Variants in IPO9 observed in about 807,000 individuals in gnomAD.
IPO9 encodes the protein importin-9.
In IPO9, 28 loss-of-function variants were observed where a neutral mutation model predicts 128.6. The observed-to-expected ratio is 0.22, with a 90% CI of 0.16 to 0.30. The LOEUF (loss-of-function observed/expected upper bound fraction) is 0.30. Ranked by LOEUF, IPO9 falls within the 10% of genes least tolerant of loss-of-function variation. The pLI, the probability that IPO9 is intolerant of heterozygous loss-of-function variation, is 1.00. For missense variants in IPO9, 935 were observed against 1,293.9 expected (o/e 0.72, Z 4.26); for synonymous variants, 455 against 475.8 (o/e 0.96, Z 0.57).
intron 1 of IPO9, among the ~76,000 whole-genome samples, chr1:201,837,016 G>C (rs1256430276): frequency 2.6e-5 from 4 of 152,210 alleles, no homozygotes; most frequent in Non-Finnish European, 5.9e-5. Flanking sequence ...TTTCATGCGT[G>C]AAAGAAATTA....
At position 201,855,869 on chromosome 1, in the gene IPO9, G is replaced by A. The variant is rs1404009932; in HGVS notation, c.1057G>A (p.Val353Ile). ...LLENSKFKST[V>I]KKALPELIYY... is the part of the protein sequence containing the mutation. ...AGAAAATAGCAAATTCAAAAGCACT[G>A]TTAAGAAAGCCTTGCCTGAATTGAT... Residue 353 changes from valine (V) to isoleucine (I), a missense_variant, in exon 10 of 24, where the codon GTT becomes ATT. Around this residue, in one of 3 missense-constraint regions of IPO9, gnomAD observed 741 missense variants for 1,019.1 expected, o/e 0.73. Transcript: ENST00000361565. 1 of 1,612,062 alleles carries A rather than the reference G, an allele frequency of 6.2e-7. No individual in the cohort carries two copies. The highest frequency in any genetic ancestry group is 1.3e-5 in the African/African-American group (1 of 74,940).
intron 4 of IPO9, chr1:201,850,496 G>A (rs746421750): frequency 6.6e-6 from 1 of 152,196 alleles, no homozygotes; most frequent in Non-Finnish European, 1.5e-5. Flanking sequence ...AAATATAGCA[G>A]CTAAGGATTA....
In IPO9 at chr1:201,875,152, A is replaced by T; in HGVS notation, c.2939A>T (p.Glu980Val). 1 of 1,614,014 alleles carries T rather than the reference A, an allele frequency of 6.2e-7. No individual in the cohort carries two copies. The highest frequency in any genetic ancestry group is 1.1e-5 in the South Asian group (1 of 91,082). Residue 980 changes from glutamate to valine, a missense_variant and splice_region_variant, in exon 23 of 24, where the codon GAG (glutamate) becomes GTG (valine). Physicochemically the swap from Glu to Val is moderately radical, Grantham distance 121. Transcript: ENST00000361565. ...LSDILATSKY[E>V]EDYYEDDEED... ...GCCCTGTGTTGGCTATGTCTAACAGAGGAGGATTACTACGAGGATGATGAG... is the reference window on the plus strand; with the variant it reads ...GCCCTGTGTTGGCTATGTCTAACAGTGGAGGATTACTACGAGGATGATGAG...
In IPO9 at chr1:201,853,091, G is replaced by A. The variant is rs1371686292; in HGVS notation, c.684G>A (p.Leu228=). 6.2e-7 allele frequency: 1 copy of A among 1,613,950 alleles called. No homozygotes were observed. The highest frequency in any genetic ancestry group is 1.3e-5 in the African/African-American group (1 of 75,006). ...CAHMICNMEE[L]EKGAAKVLIF... ...ATATGATCTGTAACATGGAGGAGCT[G>A]GAAAAGGTAAGCAGGTCTTTGGATC... The change falls in exon 6 of 24, where the codon CTG becomes CTA. Residue 228 remains leucine, a synonymous_variant. Coordinates refer to ENST00000361565, the MANE Select transcript of IPO9 (RefSeq NM_018085.5).
intron 1 of IPO9, 148 bp from the exon 2 acceptor site, chr1:201,847,131 G>A (rs1680136804): frequency 1.6e-6 from 1 of 631,644 alleles, no homozygotes; most frequent in Non-Finnish European, 2.8e-6. Flanking sequence ...TCTTTTACTT[G>A]GAGGAATCAG....
chr1:201,859,076 T>C (rs2102881147), intron 13 of IPO9, 82 bp downstream of exon 13: 3 of 1,391,800 alleles, frequency 2.2e-6, no homozygotes, highest in Middle Eastern at 1.8e-4. Flanking sequence ...TTAGGAGATA[T>C]ACCTGATGTA....
At chr1:201,863,095 A>G (rs535307762) in intron 13 of IPO9, among the ~76,000 whole-genome samples, 4 of 152,288 alleles carry the variant, frequency 2.6e-5, no homozygotes, top group South Asian at 4.1e-4. Context: ...TCATGCCTGT[A>G]ATCCCAGCAC....
intron 13 of IPO9, among the ~76,000 whole-genome samples, chr1:201,860,421 A>G (rs1680422491): frequency 6.6e-6 from 1 of 152,196 alleles, no homozygotes; most frequent in Non-Finnish European, 1.5e-5. Flanking sequence ...TACTCCTACT[A>G]GTAAGGTCTC....
chr1:201,847,155 C>T lies in IPO9; in HGVS notation c.164-124C>T, dbSNP rs149852315. ...TGGAGGAATCAGTCTTAGCAGTTAT[C>T]AGCTCTTTTTGAAACAACAGATTAA... On this transcript the variant is annotated intron_variant, in intron 1 of 23. Transcript: ENST00000361565. The T allele has an allele frequency of 2.5e-4, 178 of 716,840 alleles. 1 individual carries two copies. In the African/African-American group the frequency reaches 2.9e-3, roughly 12 times the overall value. The allele number at this position is 716,840 out of a possible 1,614,324, so 44.4% of individuals were successfully genotyped here. A position where few individuals can be genotyped will look rare whatever the true frequency, so the allele number is the denominator to read the frequency against.
chr1:201,859,685 C>G (rs192234633), intron 13 of IPO9, among the ~76,000 whole-genome samples: 2 of 152,126 alleles, frequency 1.3e-5, no homozygotes, highest in Non-Finnish European at 2.9e-5. Context: ...GTAGGCCAGG[C>G]GCGATGGCTC....
chr1:201,841,690 G>A (rs755730339), intron 1 of IPO9, among the ~76,000 whole-genome samples: 1 of 152,144 alleles, frequency 6.6e-6, no homozygotes, highest in South Asian at 2.1e-4. Flanking sequence ...AGAATATCTT[G>A]TGTATTCAAA....
rs994570503 is a variant in IPO9 at position 201,876,922 on chromosome 1, A to C, written c.*868A>C. 7 of 152,646 alleles carry C rather than the reference A, an allele frequency of 4.6e-5. No homozygotes were observed. The highest frequency in any genetic ancestry group is 7.2e-5 in the African/African-American group (3 of 41,458). The allele number at this position is 152,646 out of a possible 1,614,324, so 9.5% of individuals were successfully genotyped here. A position where few individuals can be genotyped will look rare whatever the true frequency, so the allele number is the denominator to read the frequency against. ...AAGTTGTAGCCCTCAAATTTGCAAC[A>C]TGTATTTTTCTAGGACAGTAAAGTA... is the stretch of plus-strand genomic sequence containing the variant. On this transcript the variant is annotated 3_prime_UTR_variant, in exon 24 of 24. Coordinates refer to ENST00000361565, the MANE Select transcript of IPO9 (RefSeq NM_018085.5).
Position 201,870,942 on chromosome 1 carries a change from T to G in IPO9, c.2409+84T>G. On this transcript the variant is annotated intron_variant, in intron 18 of 23. Coordinates refer to ENST00000361565, the MANE Select transcript of IPO9 (RefSeq NM_018085.5). The surrounding 1 kb of genome is among the most constrained non-coding windows in gnomAD (Gnocchi z 4.9). ...TATTTTGGTCCTGAGTTATTTTATT[T>G]TACCCTCTTACTAGCCTTGTAGGAC... is the stretch of plus-strand genomic sequence containing the variant. 1.6e-6 allele frequency: 1 copy of G among 613,666 alleles called. No individual in the cohort carries two copies. Among genetic ancestry groups the G allele is most frequent in the East Asian group, 2.9e-5 (1 of 33,914 alleles). 38.0% of individuals were successfully genotyped at this position (613,666 alleles called of 1,614,324 possible).
chr1:201,861,769 A>G (rs533310576), intron 13 of IPO9, among the ~76,000 whole-genome samples: 1 of 152,370 alleles, frequency 6.6e-6, no homozygotes, highest in South Asian at 2.1e-4. Context: ...AGCAGCTTAT[A>G]GTAAACAAGG....
In IPO9 at chr1:201,863,557, C is replaced by A. The variant is rs549731118; in HGVS notation, c.1578C>A (p.His526Gln). Residue 526 changes from histidine to glutamine, a missense_variant, in exon 14 of 24, where the codon CAC (histidine) becomes CAA (glutamine). Transcript: ENST00000361565. The stretch of plus-strand genomic sequence containing the variant: ...TACAGGCAACAGTTAGTGGTCTTCA[C>A]GAGACACAGCCCCCATCAGTTCGAA... ...QFLQATVSGL[H>Q]ETQPPSVRIS... 6 of 1,604,672 alleles carry A rather than the reference C, an allele frequency of 3.7e-6. No homozygotes were observed. In the Admixed American group the frequency reaches 5.0e-5, roughly 13 times the overall value.
rs1680851059 is a variant in IPO9, at chr1:201,879,819, A to G, written c.*3765A>G. On this transcript the variant is annotated 3_prime_UTR_variant, in exon 24 of 24. Coordinates refer to ENST00000361565, the MANE Select transcript of IPO9 (RefSeq NM_018085.5). ...TTTGGGAGGCCTAGGTGGGTAAATC[A>G]GCTGAGATCAGGAGTTCGAGACCAG... The G allele has an allele frequency of 6.6e-6, 1 of 152,200 alleles. No homozygotes were observed. The highest frequency in any genetic ancestry group is 1.5e-5 in the Non-Finnish European group (1 of 68,048). 9.4% of individuals were successfully genotyped at this position (152,200 alleles called of 1,614,324 possible). A position where few individuals can be genotyped will look rare whatever the true frequency, so the allele number is the denominator to read the frequency against.
At chr1:201,831,890 TGTTG>T (rs1558214013) in intron 1 of IPO9, among the ~76,000 whole-genome samples, 3 of 149,306 alleles carry the variant, frequency 2.0e-5, no homozygotes, top group East Asian at 2.0e-4. Context: ...TTGCTTTTGT[TGTTG>T]TTGTTGTTGT....
At chr1:201,865,589 A>T (rs1680537939) in intron 14 of IPO9, among the ~76,000 whole-genome samples, 2 of 152,036 alleles carry the variant, frequency 1.3e-5, no homozygotes, top group Non-Finnish European at 2.9e-5. Context: ...CTTTAGCCCC[A>T]GTTTTAATTT....
At chr1:201,838,510 G>A (rs538052001) in intron 1 of IPO9, among the ~76,000 whole-genome samples, 7 of 152,196 alleles carry the variant, frequency 4.6e-5, no homozygotes, top group Non-Finnish European at 7.3e-5. Flanking sequence ...GATTTAACCA[G>A]AGTCTGTACT....
Sources: allele counts gnomAD v4.1 joint callset (sites outside exome capture counted in the v4.1 genomes callset), GRCh38; gene constraint gnomAD v4.1.1; regional missense constraint gnomAD v4.1.1; non-coding constraint Gnocchi (gnomAD v3.1); transcripts MANE v1.5; gene names NCBI Gene and HGNC (gene_info 2026-07-23, HGNC 2026-07-21).